The following EHMT1 variants were observed in gnomAD, a reference collection of about 807,000 sequenced individuals.
EHMT1 encodes the protein euchromatic histone lysine methyltransferase 1.
Under a neutral mutation model 147.2 loss-of-function variants are expected in EHMT1, and 15 were observed. The ratio of observed to expected loss-of-function variants is 0.10; its 90% CI spans 0.07 to 0.16. The LOEUF (loss-of-function observed/expected upper bound fraction) is 0.16, where lower values mean the gene tolerates loss of function less well. Among genes scored for constraint, EHMT1 ranks in the 10% least tolerant of loss-of-function variants. The probability of loss-of-function intolerance (pLI) is 1.00; values close to 1 mark genes in which losing one functional copy is unlikely to be tolerated. For missense variants in EHMT1, 1,587 were observed against 1,772.4 expected, an observed-to-expected ratio of 0.90 and a Z score of 1.88; for synonymous variants, 795 against 709.6, an observed-to-expected ratio of 1.12 and a Z score of -1.91.
chr9:137,728,466 C>T lies in EHMT1; in HGVS notation c.760C>T (p.Pro254Ser), dbSNP rs1216113411. The change falls in exon 4 of 27, where the codon CCA (proline) becomes TCA (serine). Residue 254 changes from proline (P) to serine (S), a missense_variant. This residue lies in a region of EHMT1 where 810 missense variants were observed against 673.0 expected (regional missense o/e 1.20). Transcript: ENST00000460843. ...FGRQQLLPPF[P>S]SLHQSLPQNQ... is the part of the protein sequence containing the mutation. The stretch of plus-strand genomic sequence containing the variant: ...ACGACAGCAGCTTTTACCCCCCTTC[C>T]CATCCCTTCATCAGTCGCTACCTCA... 6.2e-7 allele frequency: 1 copy of T among 1,614,088 alleles called. No individual in the cohort carries two copies. Among genetic ancestry groups the T allele is most frequent in the South Asian group, 1.1e-5 (1 of 91,078 alleles).
chr9:137,809,548 G>A (rs1263023529), intron 18 of EHMT1, among the ~76,000 whole-genome samples: 3 of 152,218 alleles, frequency 2.0e-5, no homozygotes, highest in Non-Finnish European at 4.4e-5. Flanking sequence ...CAGTCAGGCG[G>A]GGCTTGGTTT....
At chr9:137,711,483 T>C (rs1463346543) in intron 2 of EHMT1, among the ~76,000 whole-genome samples, 1 of 152,072 alleles carries the variant, frequency 6.6e-6, no homozygotes, top group Non-Finnish European at 1.5e-5. Context: ...GAAGCTTTTG[T>C]ACGGTTTGTT....
At chr9:137,647,271 C>G (rs912455757) in intron 1 of EHMT1, among the ~76,000 whole-genome samples, 1 of 152,110 alleles carries the variant, frequency 6.6e-6, no homozygotes, top group Non-Finnish European at 1.5e-5. Flanking sequence ...CCAGGCTGAC[C>G]TCTTTGCTGT....
intron 10 of EHMT1, among the ~76,000 whole-genome samples, chr9:137,768,093 G>A (rs1950327951): frequency 6.6e-6 from 1 of 152,174 alleles, no homozygotes; most frequent in South Asian, 2.1e-4. Flanking sequence ...TGAGTGTGGA[G>A]TGGGCGACAC....
chr9:137,731,042 C>G lies in EHMT1; in HGVS notation c.823+2513C>G, dbSNP rs1446438843. Among the ~76,000 whole-genome samples, 1 of 152,204 alleles carries G rather than the reference C, an allele frequency of 6.6e-6. No individual in the cohort carries two copies. Among genetic ancestry groups the G allele is most frequent in the Admixed American group, 6.5e-5 (1 of 15,280 alleles). On this transcript the variant is annotated intron_variant, in intron 4 of 26. Coordinates refer to ENST00000460843, the MANE Select transcript of EHMT1 (RefSeq NM_024757.5). The surrounding 1 kb of genome is among the most constrained non-coding windows in gnomAD (Gnocchi z 4.3). ...AGAGTTGTTAAAGTGTTGAGATTTT[C>G]TTTTCCTATTTTAGCTTTATTATAT...
At chr9:137,644,810 T>C (rs191687632) in intron 1 of EHMT1, among the ~76,000 whole-genome samples, 23 of 152,318 alleles carry the variant, frequency 1.5e-4, no homozygotes, top group African/African-American at 5.5e-4. Flanking sequence ...ATTATTGGTC[T>C]TTTGGTTGTC....
intron 25 of EHMT1, among the ~76,000 whole-genome samples, chr9:137,833,684 T>C (rs538583513): frequency 6.6e-6 from 1 of 152,346 alleles, no homozygotes; most frequent in African/African-American, 2.4e-5. Context: ...CCCAGGGCCA[T>C]GTGGCCACCC....
chr9:137,825,151 C>T (rs962459323), intron 25 of EHMT1, among the ~76,000 whole-genome samples: 1 of 152,208 alleles, frequency 6.6e-6, no homozygotes, highest in African/African-American at 2.4e-5. Flanking sequence ...AGAGGCAGCT[C>T]TCTTCTTGAA....
intron 18 of EHMT1, among the ~76,000 whole-genome samples, chr9:137,807,124 GT>G (rs1316408687): frequency 6.6e-6 from 1 of 152,144 alleles, no homozygotes; most frequent in African/African-American, 2.4e-5. Context: ...AAATTTTTCA[GT>G]CATTATTTCT....
chr9:137,666,816 A>T (rs1355382041), intron 1 of EHMT1, among the ~76,000 whole-genome samples: 1 of 152,212 alleles, frequency 6.6e-6, no homozygotes, highest in South Asian at 2.1e-4. Context: ...TTTCTAAGCA[A>T]TTCCACAGAA....
intron 4 of EHMT1, among the ~76,000 whole-genome samples, chr9:137,730,460 T>C (rs1019023900): frequency 1.3e-5 from 2 of 151,830 alleles, no homozygotes; most frequent in African/African-American, 4.8e-5. Flanking sequence ...AAAAAAAAAC[T>C]TAAAAAAAAA....
chr9:137,665,173 C>G (rs1939495566), intron 1 of EHMT1, among the ~76,000 whole-genome samples: 1 of 152,184 alleles, frequency 6.6e-6, no homozygotes, highest in African/African-American at 2.4e-5. Flanking sequence ...CCTGAATACA[C>G]TATTTTAAAA....
In EHMT1 at chr9:137,715,745, C is replaced by T. The variant is rs537850350; in HGVS notation, c.86-881C>T. On this transcript the variant is annotated intron_variant, in intron 2 of 26. Coordinates refer to ENST00000460843, the MANE Select transcript of EHMT1 (RefSeq NM_024757.5). ...GCCTCTGTAGGGAGTGGAGAGCAGA[C>T]CACGGATGTGCTCCAAGTATAAGCC... 32 of 985,352 alleles carry T rather than the reference C, an allele frequency of 3.2e-5. No individual in the cohort carries two copies. The South Asian group carries it at 1.4e-3, about 42-fold the overall frequency. 61.0% of individuals were successfully genotyped at this position (985,352 alleles called of 1,614,324 possible). A position where few individuals can be genotyped will look rare whatever the true frequency, so the allele number is the denominator to read the frequency against.
In EHMT1 at chr9:137,787,674, G is replaced by A. The variant is rs1230205062; in HGVS notation, c.2383-3174G>A. On this transcript the variant is annotated intron_variant, in intron 15 of 26. Transcript: ENST00000460843. The surrounding 1 kb of genome is among the most constrained non-coding windows in gnomAD (Gnocchi z 4.2). ...GCCTGTCTTAAGAGCCTCACAGGCT[G>A]CACCGGGAGAGCAGCCCGCCTGGGC... 4.7e-6 allele frequency: 3 copies of A among 642,668 alleles called. No homozygotes were observed. The African/African-American group carries it at 5.4e-5, about 12-fold the overall frequency. 39.8% of individuals were successfully genotyped at this position (642,668 alleles called of 1,614,324 possible).
intron 25 of EHMT1, chr9:137,820,257 G>A (rs1196165665): frequency 6.6e-6 from 1 of 152,278 alleles, no homozygotes; most frequent in African/African-American, 2.4e-5. Flanking sequence ...CCTGTGCAGT[G>A]GGGCTGAGCT....
chr9:137,768,527 G>GCATTTTTTTTT (rs1950376243), intron 10 of EHMT1, among the ~76,000 whole-genome samples: 1 of 28,142 alleles, frequency 3.6e-5, no homozygotes, highest in African/African-American at 1.1e-4. Flanking sequence ...CTAATTTTTT[G>GCATTTTTTTTT]TATTTTTTTT....
chr9:137,632,212 G>A (rs1178518646), intron 1 of EHMT1, among the ~76,000 whole-genome samples: 1 of 152,188 alleles, frequency 6.6e-6, no homozygotes, highest in African/African-American at 2.4e-5. Context: ...CTGTCGAGGG[G>A]TTCGATGACT....
chr9:137,624,687 C>T (rs1187179901), intron 1 of EHMT1, among the ~76,000 whole-genome samples: 1 of 152,026 alleles, frequency 6.6e-6, no homozygotes, highest in African/African-American at 2.4e-5. Flanking sequence ...GTCTCGAACT[C>T]CTGACCTCAA....
At chr9:137,691,312 T>C (rs1416789316) in intron 1 of EHMT1, among the ~76,000 whole-genome samples, 1 of 148,598 alleles carries the variant, frequency 6.7e-6, no homozygotes, top group Non-Finnish European at 1.5e-5. Flanking sequence ...TATGTAATTA[T>C]ATATATATAT....
Sources: allele counts gnomAD v4.1 joint callset (sites outside exome capture counted in the v4.1 genomes callset), GRCh38; gene constraint gnomAD v4.1.1; regional missense constraint gnomAD v4.1.1; non-coding constraint Gnocchi (gnomAD v3.1); transcripts MANE v1.5; gene names NCBI Gene and HGNC (gene_info 2026-07-23, HGNC 2026-07-21).